PTK2: variants seen among roughly 807,000 people sequenced by gnomAD.
PTK2 encodes focal adhesion kinase 1.
A neutral mutation model predicts 150.1 loss-of-function variants in PTK2; 45 were observed. The ratio of observed to expected loss-of-function variants is 0.30; its 90% CI spans 0.24 to 0.38. The LOEUF (loss-of-function observed/expected upper bound fraction) is 0.38, where lower values mean the gene tolerates loss of function less well. Ranked by LOEUF, PTK2 falls within the 10% of genes least tolerant of loss-of-function variation. The probability of loss-of-function intolerance (pLI) is 1.00; values close to 1 mark genes in which losing one functional copy is unlikely to be tolerated. For synonymous variants in PTK2, 432 were observed against 449.2 expected (o/e 0.96, Z 0.48); for missense variants, 919 against 1,307.3 (o/e 0.70, Z 4.58).
chr8:141,001,781 C>G (rs566333317), upstream of PTK2, among the ~76,000 whole-genome samples: 4 of 152,366 alleles, frequency 2.6e-5, no homozygotes, highest in African/African-American at 9.6e-5. Context: ...AGTGCACTCT[C>G]CAGGCACCAC....
At chr8:140,931,780 T>A (rs1012473716) in intron 1 of PTK2, among the ~76,000 whole-genome samples, 8 of 150,812 alleles carry the variant, frequency 5.3e-5, no homozygotes, top group Non-Finnish European at 8.9e-5. Context: ...TACAAAAAAA[T>A]TTTAAAATAG....
chr8:140,686,210 AG>A (rs2153703589), intron 27 of PTK2, among the ~76,000 whole-genome samples: 1 of 152,226 alleles, frequency 6.6e-6, no homozygotes, highest in South Asian at 2.1e-4. Flanking sequence ...GACACAATGA[AG>A]GGAACAACAG....
rs181896802 is a variant in PTK2 at position 140,989,460 on chromosome 8, C to T, written c.-122+11665G>A. On this transcript the variant is annotated intron_variant, in intron 1 of 31. Transcript: ENST00000522684. ...ACCGCATGCCACAAAGCAGGAGACA[C>T]TGGCAAGATATATAAACCAACAAAG... Among the ~76,000 whole-genome samples the T allele has an allele frequency of 3.3e-5, 5 of 151,216 alleles. No individual in the cohort carries two copies. The East Asian group carries it at 5.8e-4, about 18-fold the overall frequency.
chr8:140,950,199 A>G (rs766714171), intron 1 of PTK2, among the ~76,000 whole-genome samples: 4 of 152,186 alleles, frequency 2.6e-5, no homozygotes, highest in Non-Finnish European at 5.9e-5. Flanking sequence ...AAATGCAGGG[A>G]CTGAAAGAGC....
chr8:140,778,696 C>T (rs773428507), intron 14 of PTK2, among the ~76,000 whole-genome samples: 4 of 152,032 alleles, frequency 2.6e-5, no homozygotes, highest in African/African-American at 7.2e-5. Flanking sequence ...ACCAAACAAA[C>T]GAGTAGGGCA....
intron 2 of PTK2, among the ~76,000 whole-genome samples, chr8:140,915,313 T>C (rs2100164812): frequency 6.6e-6 from 1 of 151,996 alleles, no homozygotes; most frequent in Non-Finnish European, 1.5e-5. Flanking sequence ...CCTGTAATCC[T>C]AGACTTTGTG....
intron 2 of PTK2, chr8:140,892,568 C>G: frequency 2.2e-6 from 1 of 446,064 alleles, no homozygotes; most frequent in Non-Finnish European, 4.4e-6. Context: ...AGAAAAGAGC[C>G]AACCCTCTGT....
chr8:140,699,657 A>G (rs1243622902), intron 26 of PTK2, among the ~76,000 whole-genome samples: 1 of 152,242 alleles, frequency 6.6e-6, no homozygotes, highest in Non-Finnish European at 1.5e-5. Flanking sequence ...GTAAGCTGAC[A>G]TGGAAGCAGG....
intron 5 of PTK2, among the ~76,000 whole-genome samples, chr8:140,853,162 C>T (rs1191902637): frequency 6.6e-6 from 1 of 151,224 alleles, no homozygotes; most frequent in Non-Finnish European, 1.5e-5. Flanking sequence ...AGAGTCTCTG[C>T]TTGGCAAACC....
chr8:140,779,385 A>AG (rs2100080399), intron 14 of PTK2, among the ~76,000 whole-genome samples: 1 of 152,130 alleles, frequency 6.6e-6, no homozygotes, highest in African/African-American at 2.4e-5. Flanking sequence ...TGAGGAACAT[A>AG]GGACAGCCTT....
chr8:140,893,259 T>C (rs1310478298), intron 2 of PTK2, among the ~76,000 whole-genome samples: 1 of 152,132 alleles, frequency 6.6e-6, no homozygotes, highest in East Asian at 1.9e-4. Context: ...CTGCAGTAGC[T>C]GTGATCATGC....
At chr8:140,903,021 T>G (rs1180753609) in intron 2 of PTK2, among the ~76,000 whole-genome samples, 1 of 147,258 alleles carries the variant, frequency 6.8e-6, no homozygotes, top group Non-Finnish European at 1.5e-5. Context: ...TTGTTGCCAT[T>G]GCTTCTGTTG....
At chr8:140,940,374 G>C (rs375722954) in intron 1 of PTK2, among the ~76,000 whole-genome samples, 1 of 152,100 alleles carries the variant, frequency 6.6e-6, no homozygotes, top group Non-Finnish European at 1.5e-5. Context: ...GCCTGAACCC[G>C]GGAAACGGAG....
chr8:140,678,424 G>C (rs1423973684), intron 27 of PTK2, among the ~76,000 whole-genome samples: 2 of 152,100 alleles, frequency 1.3e-5, no homozygotes, highest in African/African-American at 2.4e-5. Context: ...TTTGTTCACT[G>C]TAGACTCGAC....
chr8:140,937,109 T>C (rs1326837554), intron 1 of PTK2, among the ~76,000 whole-genome samples: 2 of 152,166 alleles, frequency 1.3e-5, no homozygotes, highest in Non-Finnish European at 2.9e-5. Flanking sequence ...TTTATATTAA[T>C]GTAATACAGA....
At chr8:140,822,440 A>G (rs1346902867) in intron 8 of PTK2, 2 of 152,200 alleles carry the variant, frequency 1.3e-5, no homozygotes, top group Admixed American at 6.5e-5. Flanking sequence ...GGAAATAAAC[A>G]AAGTCTTCAC....
rs142018540 is a variant in PTK2 at position 140,734,091 on chromosome 8, T to A, written c.2030+1160A>T. 6.4e-4 allele frequency among the ~76,000 whole-genome samples: 97 copies of A among 152,320 alleles called. No homozygotes were observed. In the South Asian group the frequency reaches 6.6e-3, roughly 10 times the overall value. ...TTTGAAATACTCTCCTTAAAAGGAA[T>A]CCTGTCTAGCAGGTTGAACAGCTTG... On this transcript the variant is annotated intron_variant, in intron 22 of 31. Transcript: ENST00000522684.
intron 10 of PTK2, among the ~76,000 whole-genome samples, chr8:140,814,054 A>C (rs1055926334): frequency 4.6e-5 from 7 of 152,226 alleles, no homozygotes; most frequent in African/African-American, 1.7e-4. Context: ...GAAAATCTAG[A>C]AGTTATGGAT....
chr8:140,982,974 C>G (rs1303572269), intron 1 of PTK2, among the ~76,000 whole-genome samples: 1 of 152,148 alleles, frequency 6.6e-6, no homozygotes, highest in Non-Finnish European at 1.5e-5. Flanking sequence ...ACGCATTTAA[C>G]AGAAAAGTCA....
Sources: gnomAD v4.1 joint callset for allele counts (sites outside exome capture counted in the v4.1 genomes callset) on GRCh38, gnomAD v4.1.1 for gene constraint, MANE v1.5 for transcripts, NCBI Gene and HGNC (gene_info 2026-07-23, HGNC 2026-07-21) for gene names.